The following CTDSPL variants were observed in gnomAD, a reference collection of about 807,000 sequenced individuals.
The protein encoded by CTDSPL is CTD small phosphatase like.
Under a neutral mutation model 30.5 loss-of-function variants are expected in CTDSPL, and 8 were observed. The observed-to-expected ratio is 0.26, with a 90% CI of 0.15 to 0.47. CTDSPL has a LOEUF of 0.47. Among genes scored for constraint, CTDSPL ranks in the 20% least tolerant of loss-of-function variants. The probability of loss-of-function intolerance (pLI) is 0.99; values close to 1 mark genes in which losing one functional copy is unlikely to be tolerated. For missense variants in CTDSPL, 248 were observed against 366.1 expected, an observed-to-expected ratio of 0.68 and a Z score of 2.63; for synonymous variants, 110 against 137.9, an observed-to-expected ratio of 0.80 and a Z score of 1.42.
chr3:37,917,325 A>G (rs1698660909), intron 1 of CTDSPL, among the ~76,000 whole-genome samples: 1 of 152,238 alleles, frequency 6.6e-6, no homozygotes, highest in Non-Finnish European at 1.5e-5. Context: ...TTAGCAGGGT[A>G]TGAATAATCT....
intron 1 of CTDSPL, among the ~76,000 whole-genome samples, chr3:37,915,628 G>C (rs898357315): frequency 1.3e-5 from 2 of 151,914 alleles, no homozygotes; most frequent in Admixed American, 1.3e-4. Flanking sequence ...AGAATTACTG[G>C]GTTTTGTTTT....
chr3:37,970,346 T>G (rs1000035363), intron 5 of CTDSPL, among the ~76,000 whole-genome samples: 2 of 152,232 alleles, frequency 1.3e-5, no homozygotes, highest in African/African-American at 4.8e-5. Context: ...TTTATATGTT[T>G]TTGCCTATGT....
intron 1 of CTDSPL, among the ~76,000 whole-genome samples, chr3:37,874,776 G>GCACA (rs1452929494): frequency 2.9e-4 from 44 of 151,810 alleles, no homozygotes; most frequent in Admixed American, 2.9e-3. Flanking sequence ...ACAGACACAC[G>GCACA]CACACACACA....
chr3:37,964,524 G>T, intron 3 of CTDSPL, 47 bp from the exon 4 acceptor site: 1 of 1,337,782 alleles, frequency 7.5e-7, no homozygotes, highest in African/African-American at 1.4e-5. Context: ...ATACTGATTG[G>T]TTTGTCTTTT....
intron 1 of CTDSPL, among the ~76,000 whole-genome samples, chr3:37,908,418 T>C (rs964959804): frequency 2.6e-5 from 4 of 152,232 alleles, no homozygotes; most frequent in African/African-American, 9.6e-5. Context: ...TCTTTCCTAA[T>C]GTTGCAGTTA....
intron 1 of CTDSPL, among the ~76,000 whole-genome samples, chr3:37,936,634 A>G (rs1008450899): frequency 6.6e-6 from 1 of 150,458 alleles, no homozygotes; most frequent in Non-Finnish European, 1.5e-5. Flanking sequence ...GGCCTTCAGA[A>G]AGAGTTCCTC....
At chr3:37,906,584 A>G (rs1268978671) in intron 1 of CTDSPL, among the ~76,000 whole-genome samples, 1 of 152,122 alleles carries the variant, frequency 6.6e-6, no homozygotes, top group African/African-American at 2.4e-5. Context: ...GCCTCCCTGA[A>G]TGGTTCCCCA....
chr3:37,905,371 G>A (rs1048963895), intron 1 of CTDSPL, among the ~76,000 whole-genome samples: 2 of 149,796 alleles, frequency 1.3e-5, no homozygotes, highest in Non-Finnish European at 3.0e-5. Context: ...CCTACAAAAA[G>A]GATCTCAATG....
chr3:37,879,581 A>G (rs1698178488), intron 1 of CTDSPL, among the ~76,000 whole-genome samples: 1 of 152,178 alleles, frequency 6.6e-6, no homozygotes, highest in Non-Finnish European at 1.5e-5. Context: ...CACTGTACAT[A>G]TACTGGTTCC....
In CTDSPL at chr3:37,927,707, A is replaced by ATATATATATAT. The variant is rs1559636073; in HGVS notation, c.80-19350_80-19349insTATATATATAT. 3.3e-4 allele frequency among the ~76,000 whole-genome samples: 45 copies of ATATATATATAT among 135,096 alleles called. 1 individual carries two copies. Among genetic ancestry groups the ATATATATATAT allele is most frequent in the African/African-American group, 7.9e-4 (26 of 32,772 alleles). The allele number at this position is 135,096 out of a possible 152,430, so 88.6% of individuals were successfully genotyped here. A position where few individuals can be genotyped will look rare whatever the true frequency, so the allele number is the denominator to read the frequency against. On this transcript the variant is annotated intron_variant, in intron 1 of 7. Transcript: ENST00000273179. ...GTGTATATATATATATATATATATA[A>ATATATATATAT]AAAATGAAATCTACCCTCTTAAGTT...
intron 1 of CTDSPL, among the ~76,000 whole-genome samples, chr3:37,895,500 C>T: frequency 6.6e-6 from 1 of 152,164 alleles, no homozygotes; most frequent in East Asian, 1.9e-4. Context: ...GCACTACATG[C>T]TGTCTATTGG....
At chr3:37,960,778 A>C (rs1699237024) in intron 3 of CTDSPL, among the ~76,000 whole-genome samples, 1 of 151,808 alleles carries the variant, frequency 6.6e-6, no homozygotes, top group Admixed American at 6.6e-5. Flanking sequence ...TATTACTTTG[A>C]TTTGCATTTC....
At chr3:37,961,617 C>G (rs569465581) in intron 3 of CTDSPL, among the ~76,000 whole-genome samples, 5 of 152,288 alleles carry the variant, frequency 3.3e-5, no homozygotes, top group African/African-American at 1.2e-4. Flanking sequence ...CAATAGTACA[C>G]TTCTTTCCAC....
intron 1 of CTDSPL, among the ~76,000 whole-genome samples, chr3:37,936,471 C>T (rs1360113432): frequency 6.6e-6 from 1 of 152,092 alleles, no homozygotes; most frequent in South Asian, 2.1e-4. Flanking sequence ...TTGTTGACCA[C>T]TCTTTCAGGG....
intron 1 of CTDSPL, among the ~76,000 whole-genome samples, chr3:37,891,279 A>C (rs542710256): frequency 1.3e-5 from 2 of 152,264 alleles, no homozygotes; most frequent in East Asian, 3.9e-4. Flanking sequence ...AGATTAATCC[A>C]TGTCTGGGCT....
At chr3:37,890,310 G>A (rs1179651621) in intron 1 of CTDSPL, among the ~76,000 whole-genome samples, 1 of 152,150 alleles carries the variant, frequency 6.6e-6, no homozygotes. Flanking sequence ...TTGTACAAGG[G>A]AAAATAAAAC....
At chr3:37,909,738 G>A (rs1698559023) in intron 1 of CTDSPL, among the ~76,000 whole-genome samples, 1 of 152,242 alleles carries the variant, frequency 6.6e-6, no homozygotes. Flanking sequence ...TGATCACGAG[G>A]CTGTGTGACC....
chr3:37,942,858 C>T (rs1698993641), intron 1 of CTDSPL, among the ~76,000 whole-genome samples: 1 of 150,192 alleles, frequency 6.7e-6, no homozygotes, highest in African/African-American at 2.4e-5. Flanking sequence ...CATTGGAGCC[C>T]ACATTCCTAA....
At chr3:37,936,656 TAAAAAAAAAAA>T (rs577097327) in intron 1 of CTDSPL, among the ~76,000 whole-genome samples, 5 of 94,790 alleles carry the variant, frequency 5.3e-5, no homozygotes, top group South Asian at 7.8e-4. Flanking sequence ...TCTCCCCAGT[TAAAAAAAAAAA>T]AAAAAAAAAA....
Sources: allele counts gnomAD v4.1 joint callset (sites outside exome capture counted in the v4.1 genomes callset), GRCh38; gene constraint gnomAD v4.1.1; transcripts MANE v1.5; gene names NCBI Gene and HGNC (gene_info 2026-07-23, HGNC 2026-07-21).